Variants in MYLK observed in about 807,000 individuals in gnomAD.
MYLK encodes the protein myosin light chain kinase, smooth muscle.
In MYLK, 106 loss-of-function variants were observed where a neutral mutation model predicts 203.4. The ratio of observed to expected loss-of-function variants is 0.52; its 90% CI spans 0.45 to 0.61. The LOEUF is 0.61. Ranked by LOEUF, MYLK falls within the 20% of genes least tolerant of loss-of-function variation. The probability of loss-of-function intolerance (pLI) is 0.00; values close to 1 mark genes in which losing one functional copy is unlikely to be tolerated. For synonymous variants in MYLK, 867 were observed against 959.5 expected, an observed-to-expected ratio of 0.90 and a Z score of 1.78; for missense variants, 2,072 against 2,442.3, an observed-to-expected ratio of 0.85 and a Z score of 3.20.
At chr3:123,664,023 T>C in intron 23 of MYLK, 82 bp downstream of exon 23, 1 of 1,585,912 alleles carries the variant, frequency 6.3e-7, no homozygotes, top group Non-Finnish European at 8.6e-7. Flanking sequence ...GGTGATGAAG[T>C]CCTGAGGCCC....
chr3:123,862,538 G>C (rs2032009970), intron 2 of MYLK, among the ~76,000 whole-genome samples: 1 of 152,202 alleles, frequency 6.6e-6, no homozygotes, highest in Non-Finnish European at 1.5e-5. Flanking sequence ...GTCTAACAGA[G>C]AGTAGGCATC....
intron 4 of MYLK, among the ~76,000 whole-genome samples, chr3:123,789,043 C>T (rs2064662458): frequency 6.6e-6 from 1 of 152,048 alleles, no homozygotes. Context: ...CTTGACTCTG[C>T]TGGGGAAAAC....
intron 8 of MYLK, among the ~76,000 whole-genome samples, chr3:123,736,906 G>T (rs775025461): frequency 1.3e-5 from 2 of 152,134 alleles, no homozygotes; most frequent in African/African-American, 2.4e-5. Flanking sequence ...CCAGGTCTGC[G>T]CTGCCCTGTT....
intron 3 of MYLK, among the ~76,000 whole-genome samples, chr3:123,797,150 TACAGA>T (rs1222049672): frequency 1.3e-5 from 2 of 152,106 alleles, no homozygotes; most frequent in African/African-American, 2.4e-5. Flanking sequence ...ATTTCAAACA[TACAGA>T]ACAGTAGAAT....
At chr3:123,884,060 C>T (rs1033733181) in intron 1 of MYLK, 146 bp downstream of exon 1, 7 of 152,252 alleles carry the variant, frequency 4.6e-5, no homozygotes, top group Non-Finnish European at 1.0e-4. Context: ...CCCCTGACTC[C>T]TCGCCGCACC....
At chr3:123,775,318 G>GT (rs1303116867) in intron 4 of MYLK, among the ~76,000 whole-genome samples, 8 of 152,146 alleles carry the variant, frequency 5.3e-5, no homozygotes, top group Non-Finnish European at 1.0e-4. Flanking sequence ...TAGGCATGGG[G>GT]TACCTCACCT....
intron 3 of MYLK, among the ~76,000 whole-genome samples, chr3:123,814,594 C>A (rs1428854060): frequency 6.6e-6 from 1 of 152,072 alleles, no homozygotes; most frequent in Non-Finnish European, 1.5e-5. Context: ...ATTATATATA[C>A]AAATTATCAT....
chr3:123,638,042 A>G, intron 29 of MYLK, 29 bp downstream of exon 29: 1 of 1,612,900 alleles, frequency 6.2e-7, no homozygotes, highest in East Asian at 2.2e-5. Context: ...CAAGTGGTCC[A>G]CCAGTCCACC....
At chr3:123,882,845 C>T (rs2033628405) in intron 1 of MYLK, among the ~76,000 whole-genome samples, 1 of 152,210 alleles carries the variant, frequency 6.6e-6, no homozygotes, top group African/African-American at 2.4e-5. Flanking sequence ...GTGGTGCCAG[C>T]AGCATCATCC....
intron 5 of MYLK, among the ~76,000 whole-genome samples, chr3:123,741,380 A>G (rs780441380): frequency 6.6e-6 from 1 of 152,228 alleles, no homozygotes; most frequent in Non-Finnish European, 1.5e-5. Flanking sequence ...TCTGTTTAAC[A>G]TTACTTAGTG....
chr3:123,796,199 T>C (rs1033545799), intron 3 of MYLK, among the ~76,000 whole-genome samples: 2 of 152,142 alleles, frequency 1.3e-5, no homozygotes, highest in African/African-American at 2.4e-5. Flanking sequence ...ATATAAATAA[T>C]AAATAGCTCA....
intron 19 of MYLK, among the ~76,000 whole-genome samples, chr3:123,687,618 TC>T (rs754665588): frequency 1.3e-5 from 2 of 150,900 alleles, no homozygotes; most frequent in Non-Finnish European, 3.0e-5. Flanking sequence ...CTACCTTCAT[TC>T]CTTCCTTCCT....
At chr3:123,840,082 T>C (rs2066555703) in intron 2 of MYLK, among the ~76,000 whole-genome samples, 2 of 152,218 alleles carry the variant, frequency 1.3e-5, no homozygotes, top group Non-Finnish European at 2.9e-5. Flanking sequence ...TAAGTGCTTA[T>C]ATTAGTAAAG....
intron 20 of MYLK, among the ~76,000 whole-genome samples, chr3:123,674,752 T>C (rs984114866): frequency 3.3e-5 from 5 of 152,252 alleles, no homozygotes; most frequent in Non-Finnish European, 7.3e-5. Context: ...TTCGCTCCTT[T>C]GCACATGCTG....
At chr3:123,861,769 C>T (rs527672652) in intron 2 of MYLK, among the ~76,000 whole-genome samples, 1 of 152,296 alleles carries the variant, frequency 6.6e-6, no homozygotes, top group African/African-American at 2.4e-5. Flanking sequence ...GACTCTGCTT[C>T]CTGCCTATAT....
chr3:123,733,627 G>A (rs969078715), intron 10 of MYLK, 60 bp downstream of exon 10: 8 of 1,595,870 alleles, frequency 5.0e-6, no homozygotes, highest in Non-Finnish European at 6.0e-6. Context: ...GCTGAAGGAA[G>A]GGAGTGGCCA....
chr3:123,632,220 G>C (rs1470086619), intron 29 of MYLK, among the ~76,000 whole-genome samples: 1 of 151,942 alleles, frequency 6.6e-6, no homozygotes, highest in Non-Finnish European at 1.5e-5. Flanking sequence ...GATTTCCTAG[G>C]GGCCTCCCAG....
chr3:123,695,005 C>T (rs1348512666), intron 18 of MYLK, among the ~76,000 whole-genome samples: 3 of 152,226 alleles, frequency 2.0e-5, no homozygotes, highest in Admixed American at 6.5e-5. Flanking sequence ...TGCAGAGCTC[C>T]GCCTGGGAGA....
At chr3:123,832,558 C>T (rs570086013) in intron 2 of MYLK, among the ~76,000 whole-genome samples, 1 of 152,318 alleles carries the variant, frequency 6.6e-6, no homozygotes, top group Non-Finnish European at 1.5e-5. Flanking sequence ...GAATCTTAAT[C>T]CCTGATGCAA....
Sources: gnomAD v4.1 joint callset for allele counts (sites outside exome capture counted in the v4.1 genomes callset) on GRCh38, gnomAD v4.1.1 for gene constraint, MANE v1.5 for transcripts, NCBI Gene and HGNC (gene_info 2026-07-23, HGNC 2026-07-21) for gene names.